RBFOX1: variants seen among roughly 807,000 people sequenced by gnomAD.
RBFOX1 encodes the protein RNA binding fox-1 homolog 1.
A neutral mutation model predicts 57.7 loss-of-function variants in RBFOX1; 8 were observed. The ratio of observed to expected loss-of-function variants is 0.14; its 90% CI spans 0.08 to 0.25. The LOEUF (loss-of-function observed/expected upper bound fraction) is 0.25. RBFOX1 is among the 10% of genes least tolerant of loss of function. The pLI, the probability that RBFOX1 is intolerant of heterozygous loss-of-function variation, is 1.00. For synonymous variants in RBFOX1, 326 were observed against 222.4 expected, an observed-to-expected ratio of 1.47 and a Z score of -4.15; for missense variants, 611 against 548.5, an observed-to-expected ratio of 1.11 and a Z score of -1.14.
chr16:6,381,267 A>G (rs1301723473), intron 2 of RBFOX1, among the ~76,000 whole-genome samples: 1 of 152,134 alleles, frequency 6.6e-6, no homozygotes, highest in Non-Finnish European at 1.5e-5. Context: ...CATTTAGTGT[A>G]CCCATCACTG....
Position 6,970,365 on chromosome 16 carries a change from G to T in RBFOX1, c.-15-81692G>T, listed in dbSNP as rs565787827. ...TGACACTTAGGTTTGTCTTTTCTCAGTTGCAAGACAGGTAGTGCAGTTCCC... is the reference window on the plus strand; with the variant it reads ...TGACACTTAGGTTTGTCTTTTCTCATTTGCAAGACAGGTAGTGCAGTTCCC... On this transcript the variant is annotated intron_variant, in intron 3 of 15. Coordinates refer to ENST00000550418, the MANE Select transcript of RBFOX1 (RefSeq NM_018723.4). Among the ~76,000 whole-genome samples, 6 of 152,192 alleles carry T rather than the reference G, an allele frequency of 3.9e-5. 1 individual carries two copies. In the South Asian group the frequency reaches 1.2e-3, roughly 32 times the overall value.
chr16:5,794,411 G>A (rs1221306355), intron 3 of RBFOX1, among the ~76,000 whole-genome samples: 1 of 151,570 alleles, frequency 6.6e-6, no homozygotes, highest in Non-Finnish European at 1.5e-5. Flanking sequence ...ATTCAATTAT[G>A]TACCTGAAAG....
intron 2 of RBFOX1, among the ~76,000 whole-genome samples, chr16:6,503,796 C>A (rs1038784985): frequency 8.5e-5 from 13 of 152,138 alleles, no homozygotes; most frequent in Non-Finnish European, 1.5e-4. Context: ...AAGCTTCACA[C>A]TCACCTGGAA....
At chr16:5,887,230 C>G (rs2057920009) in intron 4 of RBFOX1, among the ~76,000 whole-genome samples, 1 of 152,178 alleles carries the variant, frequency 6.6e-6, no homozygotes, top group South Asian at 2.1e-4. Flanking sequence ...TTTCAGGAAT[C>G]CCCCATGCAT....
At chr16:5,568,262 A>T (rs1187065722) in intron 2 of RBFOX1, among the ~76,000 whole-genome samples, 1 of 152,196 alleles carries the variant, frequency 6.6e-6, no homozygotes, top group Admixed American at 6.5e-5. Context: ...CACGTGGCAC[A>T]GTCCCACCTC....
chr16:6,196,546 T>G (rs1490331014), intron 1 of RBFOX1, among the ~76,000 whole-genome samples: 1 of 152,188 alleles, frequency 6.6e-6, no homozygotes, highest in Non-Finnish European at 1.5e-5. Context: ...TGGCTGCGAC[T>G]TAAAAAGCCA....
rs376124269 is a variant in RBFOX1 at position 6,811,226 on chromosome 16, G to T, written c.-16+156576G>T. ...CCTGCCTTTGCAGGAAATAATATAG[G>T]CAGGAAAAATCAAGAATGCCACAAA... On this transcript the variant is annotated intron_variant, in intron 3 of 15. Coordinates refer to ENST00000550418, the MANE Select transcript of RBFOX1 (RefSeq NM_018723.4). 2.0e-5 allele frequency among the ~76,000 whole-genome samples: 3 copies of T among 152,172 alleles called. No homozygotes were observed. The East Asian group carries it at 5.8e-4, about 30-fold the overall frequency.
chr16:6,380,589 C>G (rs2091710793), intron 2 of RBFOX1, among the ~76,000 whole-genome samples: 1 of 151,670 alleles, frequency 6.6e-6, no homozygotes, highest in Admixed American at 6.6e-5. Flanking sequence ...TGATCAAATC[C>G]TGGTGTGAAA....
intron 1 of RBFOX1, among the ~76,000 whole-genome samples, chr16:5,308,432 C>T (rs898341290): frequency 6.6e-6 from 1 of 152,084 alleles, no homozygotes; most frequent in Non-Finnish European, 1.5e-5. Flanking sequence ...TGGTGGTGAT[C>T]ACCAAGGCTC....
intron 2 of RBFOX1, among the ~76,000 whole-genome samples, chr16:5,515,537 A>T (rs1319380645): frequency 6.6e-6 from 1 of 152,214 alleles, no homozygotes; most frequent in Non-Finnish European, 1.5e-5. Flanking sequence ...TACCTTTGCA[A>T]AACAGAGGCT....
At chr16:7,510,487 CTG>C (rs59583874) in intron 4 of RBFOX1, among the ~76,000 whole-genome samples, 99,397 of 149,558 alleles carry the variant, frequency 0.66, 34,778 homozygotes, top group Non-Finnish European at 0.79. Flanking sequence ...GTATGTGTGT[CTG>C]TGTGTGTGTG....
chr16:7,022,677 A>G (rs2039662416), intron 3 of RBFOX1, among the ~76,000 whole-genome samples: 2 of 152,204 alleles, frequency 1.3e-5, no homozygotes, highest in African/African-American at 4.8e-5. Context: ...CATGTAGCAG[A>G]TGAAAGCAGA....
At chr16:7,445,423 A>G (rs544760910) in intron 4 of RBFOX1, among the ~76,000 whole-genome samples, 2 of 152,266 alleles carry the variant, frequency 1.3e-5, no homozygotes, top group South Asian at 2.1e-4. Flanking sequence ...AGGAATCACA[A>G]TATTTGCCCT....
At position 7,028,798 on chromosome 16, in the gene RBFOX1, A is replaced by G. The variant is rs1396936431; in HGVS notation, c.-15-23259A>G. On this transcript the variant is annotated intron_variant, in intron 3 of 15. Transcript: ENST00000550418. ...TTTGGAAACCATGGAACATCCAAAC[A>G]TTGGCGATCAACAAAGCCAGCAGTA... Among the ~76,000 whole-genome samples, 9 of 151,292 alleles carry G rather than the reference A, an allele frequency of 5.9e-5. No individual in the cohort carries two copies. In the East Asian group the frequency reaches 9.8e-4, roughly 17 times the overall value.
At chr16:6,459,473 A>T (rs183093298) in intron 2 of RBFOX1, among the ~76,000 whole-genome samples, 4 of 152,270 alleles carry the variant, frequency 2.6e-5, no homozygotes, top group Admixed American at 2.6e-4. Flanking sequence ...AATAATCTAA[A>T]CTATTTGAAA....
rs2095790774 is a variant in RBFOX1, at chr16:7,292,052, A to G, written c.28-226095A>G. On this transcript the variant is annotated intron_variant, in intron 4 of 15. Coordinates refer to ENST00000550418, the MANE Select transcript of RBFOX1 (RefSeq NM_018723.4). Reference sequence around the variant, plus strand: ...ATTATACAATTATAGTATATATTACATATTGTATATATTATATATAGAATA... The same window carrying G: ...ATTATACAATTATAGTATATATTACGTATTGTATATATTATATATAGAATA... Among the ~76,000 whole-genome samples, 3 of 75,754 alleles carry G rather than the reference A, an allele frequency of 4.0e-5. No individual in the cohort carries two copies. In the South Asian group the frequency reaches 2.0e-3, roughly 51 times the overall value. The allele number at this position is 75,754 out of a possible 152,430, so 49.7% of individuals were successfully genotyped here. A position where few individuals can be genotyped will look rare whatever the true frequency, so the allele number is the denominator to read the frequency against.
rs556367320 is a variant in RBFOX1, at chr16:7,390,730, A to C, written c.28-127417A>C. Among the ~76,000 whole-genome samples the C allele has an allele frequency of 1.3e-3, 198 of 152,330 alleles. 1 individual carries two copies. Among genetic ancestry groups the C allele is most frequent in the Middle Eastern group, 3.4e-3 (1 of 294 alleles). On this transcript the variant is annotated intron_variant, in intron 4 of 15. Coordinates refer to ENST00000550418, the MANE Select transcript of RBFOX1 (RefSeq NM_018723.4). ...GAGGAATTAGTGGTTATAAGAACTG[A>C]CAATGCATTTAGAGATTTGTTTTTT...
intron 4 of RBFOX1, among the ~76,000 whole-genome samples, chr16:6,000,614 A>T (rs569369856): frequency 2.0e-5 from 3 of 152,164 alleles, no homozygotes; most frequent in African/African-American, 4.8e-5. Flanking sequence ...AATTACTTAA[A>T]TATTTGTTGA....
At position 6,995,456 on chromosome 16, in the gene RBFOX1, G is replaced by C. The variant is rs147638042; in HGVS notation, c.-15-56601G>C. ...AAATTCCCAAGCAAATAATCTTGCT[G>C]GTGGTGACAGAAGAGGAAGGCTTTG... On this transcript the variant is annotated intron_variant, in intron 3 of 15. Coordinates refer to ENST00000550418, the MANE Select transcript of RBFOX1 (RefSeq NM_018723.4). Among the ~76,000 whole-genome samples the C allele has an allele frequency of 9.2e-3, 1,406 of 152,146 alleles. 32 individuals are homozygous for C. The highest frequency in any genetic ancestry group is 0.032 in the African/African-American group (1,337 of 41,510).
Sources: gnomAD v4.1 joint callset for allele counts (sites outside exome capture counted in the v4.1 genomes callset) on GRCh38, gnomAD v4.1.1 for gene constraint, MANE v1.5 for transcripts, NCBI Gene and HGNC (gene_info 2026-07-23, HGNC 2026-07-21) for gene names.